FNTA: variants seen among roughly 807,000 people sequenced by gnomAD.
FNTA encodes farnesyltransferase, CAAX box, subunit alpha.
Under a neutral mutation model 55.2 loss-of-function variants are expected in FNTA, and 27 were observed. The observed-to-expected ratio is 0.49, with a 90% CI of 0.36 to 0.67. The LOEUF (loss-of-function observed/expected upper bound fraction) is 0.67, where lower values mean the gene tolerates loss of function less well. Ranked by LOEUF, FNTA falls within the 30% of genes least tolerant of loss-of-function variation. The pLI is 0.00. For synonymous variants in FNTA, 176 were observed against 170.7 expected, an observed-to-expected ratio of 1.03 and a Z score of -0.24; for missense variants, 422 against 464.7, an observed-to-expected ratio of 0.91 and a Z score of 0.85.
At chr8:43,067,877 A>T (rs1017486872) in intron 3 of FNTA, among the ~76,000 whole-genome samples, 5 of 151,416 alleles carry the variant, frequency 3.3e-5, no homozygotes, top group Admixed American at 2.6e-4. Context: ...CTGCCACCAC[A>T]CCCAGCTAGT....
chr8:43,077,181 T>G (rs1295424701), intron 5 of FNTA, 35 bp from the exon 6 acceptor site: 1 of 1,483,468 alleles, frequency 6.7e-7, no homozygotes, highest in African/African-American at 1.4e-5. Context: ...ATGGGACATT[T>G]CTAATTGGAT....
chr8:43,077,052 G>T, intron 5 of FNTA, 164 bp from the exon 6 acceptor site: 7 of 467,914 alleles, frequency 1.5e-5, no homozygotes, highest in Non-Finnish European at 2.6e-5. Context: ...TTTCATACTT[G>T]TATCCCCCTC....
Position 43,085,064 on chromosome 8 carries a change from A to G in FNTA, c.1018-96A>G, listed in dbSNP as rs1036004723. On this transcript the variant is annotated intron_variant, in intron 8 of 8. Transcript: ENST00000302279. Reference sequence around the variant, plus strand: ...CGGTGACTCTTAATAGTGTGTCTTCATTTGAATGTGATTTGAGTTAAATTG... The same window carrying G: ...CGGTGACTCTTAATAGTGTGTCTTCGTTTGAATGTGATTTGAGTTAAATTG... 11 of 1,206,288 alleles carry G rather than the reference A, an allele frequency of 9.1e-6. No homozygotes were observed. In the African/African-American group the frequency reaches 1.5e-4, roughly 17 times the overall value. 74.7% of individuals were successfully genotyped at this position (1,206,288 alleles called of 1,614,324 possible).
At chr8:43,065,503 T>C (rs557026395) in intron 3 of FNTA, among the ~76,000 whole-genome samples, 1 of 152,170 alleles carries the variant, frequency 6.6e-6, no homozygotes, top group Non-Finnish European at 1.5e-5. Context: ...AGTCTCAGCC[T>C]CCCAAAGTAC....
intron 5 of FNTA, among the ~76,000 whole-genome samples, chr8:43,074,074 A>G (rs1200233889): frequency 6.6e-6 from 1 of 152,226 alleles, no homozygotes; most frequent in Non-Finnish European, 1.5e-5. Context: ...AATTATAAAC[A>G]TTCATGGCCT....
intron 8 of FNTA, 64 bp downstream of exon 8, chr8:43,084,945 T>C: frequency 6.9e-7 from 1 of 1,442,910 alleles, no homozygotes; most frequent in Non-Finnish European, 9.6e-7. Context: ...CCAATACCAC[T>C]AATATCCATG....
intron 5 of FNTA, among the ~76,000 whole-genome samples, chr8:43,074,125 AAGG>A (rs1355500116): frequency 1.3e-5 from 2 of 152,180 alleles, no homozygotes; most frequent in Non-Finnish European, 1.5e-5. Context: ...TTCTTAAATG[AAGG>A]AGTAGAGGAC....
At chr8:43,076,965 G>A (rs1810925949) in intron 5 of FNTA, 1 of 324,260 alleles carries the variant, frequency 3.1e-6, no homozygotes. Context: ...GTGAGTTTGG[G>A]GTTTTTTTCC....
At chr8:43,057,845 C>T (rs1810445674) in intron 1 of FNTA, among the ~76,000 whole-genome samples, 1 of 151,658 alleles carries the variant, frequency 6.6e-6, no homozygotes, top group East Asian at 1.9e-4. Flanking sequence ...GTAATTCCAG[C>T]TACTCGGGAG....
rs74460597 is a variant in FNTA, at chr8:43,061,271, G to T, written c.286+2094G>T. Among the ~76,000 whole-genome samples, 682 of 152,314 alleles carry T rather than the reference G, an allele frequency of 4.5e-3. 9 individuals are homozygous for T. Among genetic ancestry groups the T allele is most frequent in the African/African-American group, 0.016 (651 of 41,554 alleles). Reference sequence around the variant, plus strand: ...TTCATTCTGGCACATGGCATGAGAAGATATGCACAGGAGGTTAAAAGCACA... The same window carrying T: ...TTCATTCTGGCACATGGCATGAGAATATATGCACAGGAGGTTAAAAGCACA... On this transcript the variant is annotated intron_variant, in intron 2 of 8. Coordinates refer to ENST00000302279, the MANE Select transcript of FNTA (RefSeq NM_002027.3).
intron 5 of FNTA, among the ~76,000 whole-genome samples, chr8:43,072,650 C>T (rs1810818366): frequency 1.3e-5 from 2 of 151,956 alleles, no homozygotes; most frequent in African/African-American, 4.8e-5. Context: ...TTGCTTGAGC[C>T]CAAGAATTTG....
chr8:43,056,412 C>A lies in FNTA; in HGVS notation c.66C>A (p.Pro22=). Residue 22 remains proline (P), a synonymous_variant, in exon 1 of 9, where the codon CCC becomes CCA. Coordinates refer to ENST00000302279, the MANE Select transcript of FNTA (RefSeq NM_002027.3). ...QGGEPGQPAQ[P]PPQPHPPPPQ... The stretch of plus-strand genomic sequence containing the variant: ...GCGAGCCCGGGCAGCCGGCGCAACC[C>A]CCGCCCCAGCCGCACCCACCGCCGC... 1.3e-6 allele frequency: 2 copies of A among 1,520,684 alleles called. No individual in the cohort carries two copies. The highest frequency in any genetic ancestry group is 2.1e-5 in the Admixed American group (1 of 48,078). The allele number at this position is 1,520,684 out of a possible 1,614,324, so 94.2% of individuals were successfully genotyped here. A position where few individuals can be genotyped will look rare whatever the true frequency, so the allele number is the denominator to read the frequency against.
At chr8:43,077,419 A>T in intron 6 of FNTA, 55 bp downstream of exon 6, 2 of 1,443,418 alleles carry the variant, frequency 1.4e-6, no homozygotes, top group Non-Finnish European at 1.9e-6. Flanking sequence ...CATGCCTACC[A>T]TATCTCAGGC....
At chr8:43,069,749 A>AT in intron 4 of FNTA, 90 bp downstream of exon 4, 2 of 740,724 alleles carry the variant, frequency 2.7e-6, no homozygotes, top group Non-Finnish European at 4.6e-6. Flanking sequence ...GGTTCAAGTG[A>AT]TTCTCCAGCT....
Position 43,077,308 on chromosome 8 carries a change from C to G in FNTA, c.726C>G (p.Phe242Leu), listed in dbSNP as rs777693422. ...RNNSVWNQRY[F>L]VISNTTGYND... is the part of the protein sequence containing the mutation. Reference sequence around the variant, plus strand: ...ACTCTGTCTGGAACCAAAGATACTTCGTTATTTCTAACACCACTGGCTACA... The same window carrying G: ...ACTCTGTCTGGAACCAAAGATACTTGGTTATTTCTAACACCACTGGCTACA... The change falls in exon 6 of 9, where the codon TTC becomes TTG. Residue 242 changes from phenylalanine to leucine, a missense_variant. Around this residue, in one of 2 missense-constraint regions of FNTA, gnomAD observed 262 missense variants for 343.1 expected, o/e 0.76. Coordinates refer to ENST00000302279, the MANE Select transcript of FNTA (RefSeq NM_002027.3). The G allele has an allele frequency of 6.2e-7, 1 of 1,612,836 alleles. No homozygotes were observed.
Position 43,084,217 on chromosome 8 carries a change from C to CTTTTTTT in FNTA, c.846-480_846-474dup, listed in dbSNP as rs965185730. 1.8e-3 allele frequency among the ~76,000 whole-genome samples: 234 copies of CTTTTTTT among 131,506 alleles called. 1 individual carries two copies. The highest frequency in any genetic ancestry group is 6.4e-3 in the African/African-American group (222 of 34,562). The allele number at this position is 131,506 out of a possible 152,430, so 86.3% of individuals were successfully genotyped here. On this transcript the variant is annotated intron_variant, in intron 7 of 8. Transcript: ENST00000302279. ...TTTTTCTACTTAGCTTGTAATTATC[C>CTTTTTTT]TTTTTTTTTTTTTTTTTTTGGAGAC...
rs768151565 is a variant in FNTA, at chr8:43,083,190, T to G, written c.845+10T>G. 3 of 1,553,408 alleles carry G rather than the reference T, an allele frequency of 1.9e-6. No homozygotes were observed. The highest frequency in any genetic ancestry group is 2.4e-5 in the South Asian group (2 of 83,222). On this transcript the variant is annotated intron_variant, in intron 7 of 8. Coordinates refer to ENST00000302279, the MANE Select transcript of FNTA (RefSeq NM_002027.3). ...GGAACTATTTGAAAGGGTAAGAGGT[T>G]GTTTTTGCTTTTTTTATATATAAAA...
Position 43,085,334 on chromosome 8 carries a change from T to C in FNTA, c.*52T>C, listed in dbSNP as rs1387172494. ...GCTTTTATTTTTTATTAAGGGACCC[T>C]GCAGGAGTTTCACACGAGAGTGGTC... On this transcript the variant is annotated 3_prime_UTR_variant, in exon 9 of 9. Coordinates refer to ENST00000302279, the MANE Select transcript of FNTA (RefSeq NM_002027.3). The C allele has an allele frequency of 3.9e-6, 6 of 1,556,696 alleles. No homozygotes were observed. The highest frequency in any genetic ancestry group is 1.9e-5 in the Admixed American group (1 of 53,078).
intron 7 of FNTA, among the ~76,000 whole-genome samples, chr8:43,084,320 A>G (rs1281209921): frequency 6.9e-6 from 1 of 145,796 alleles, no homozygotes; most frequent in African/African-American, 2.6e-5. Context: ...CCTAGGCTCT[A>G]GTGATTCTCC....
Sources: gnomAD v4.1 joint callset for allele counts (sites outside exome capture counted in the v4.1 genomes callset) on GRCh38, gnomAD v4.1.1 for gene constraint, gnomAD v4.1.1 regional missense constraint, MANE v1.5 for transcripts, NCBI Gene and HGNC (gene_info 2026-07-23, HGNC 2026-07-21) for gene names.